Variants in DUSP28 observed in about 807,000 individuals in gnomAD.
The protein encoded by DUSP28 is dual specificity phosphatase 28.
A neutral mutation model predicts 8.4 loss-of-function variants in DUSP28; 11 were observed. That is an observed-to-expected ratio of 1.31 (90% confidence interval 0.83 to 2.17). The LOEUF (loss-of-function observed/expected upper bound fraction) is 2.17. Among genes scored for constraint, DUSP28 ranks in the 30% most tolerant of loss-of-function variants. DUSP28 has a pLI of 0.00. For missense variants in DUSP28, 373 were observed against 270.4 expected (o/e 1.38, Z -2.66); for synonymous variants, 178 against 130.9 (o/e 1.36, Z -2.46).
In DUSP28 at chr2:240,560,979, T is replaced by G; in HGVS notation, c.295T>G (p.Cys99Gly). The change falls in exon 1 of 2, where the codon TGC (cysteine) becomes GGC (glycine). Residue 99 changes from cysteine to glycine, a missense_variant. By Grantham distance (159) the Cys-to-Gly change is radical. Transcript: ENST00000405954. The part of the protein sequence containing the change: ...MEAAVRAGGA[C>G]LVYCKNGRSR... ...GGCCGCGGTGCGCGCCGGCGGCGCCTGCCTAGTCTACTGCAAGAACGGCCG... is the reference window on the plus strand; with the variant it reads ...GGCCGCGGTGCGCGCCGGCGGCGCCGGCCTAGTCTACTGCAAGAACGGCCG... 1 of 1,530,004 alleles carries G rather than the reference T, an allele frequency of 6.5e-7. No homozygotes were observed. Among genetic ancestry groups the G allele is most frequent in the Non-Finnish European group, 8.7e-7 (1 of 1,151,892 alleles). 94.8% of individuals were successfully genotyped at this position (1,530,004 alleles called of 1,614,324 possible).
At position 240,560,486 on chromosome 2, in the gene DUSP28, GC is replaced by G; in HGVS notation, c.-195del. 2.6e-6 allele frequency: 2 copies of G among 777,132 alleles called. No homozygotes were observed. Among genetic ancestry groups the G allele is most frequent in the Middle Eastern group, 4.2e-4 (1 of 2,372 alleles). 48.1% of individuals were successfully genotyped at this position (777,132 alleles called of 1,614,324 possible). On this transcript the variant is annotated 5_prime_UTR_variant, in exon 1 of 2. It introduces an in-frame stop codon into an upstream open reading frame of the 5' UTR. Transcript: ENST00000405954. ...GGCCCAAACCTCCCGCCATGCCCCG[GC>G]CCCAACGAGACCCAAGCCCCCTGTC...
intron 1 of DUSP28, 125 bp downstream of exon 1, chr2:240,561,202 G>C: frequency 6.5e-7 from 1 of 1,532,188 alleles, no homozygotes; most frequent in Non-Finnish European, 8.7e-7. Context: ...TCTCTCGTGA[G>C]GGCGGGCTTA....
Position 240,560,792 on chromosome 2 carries a change from G to C in DUSP28, c.108G>C (p.Ala36=), listed in dbSNP as rs750953578. The C allele has an allele frequency of 6.9e-7, 1 of 1,453,752 alleles. No individual in the cohort carries two copies. The highest frequency in any genetic ancestry group is 9.0e-7 in the Non-Finnish European group (1 of 1,110,844). The allele number at this position is 1,453,752 out of a possible 1,614,324, so 90.1% of individuals were successfully genotyped here. ...LFLGSARAAG[A]EEQLARAGVT... ...TCGGGAGCGCGCGAGCCGCGGGCGC[G>C]GAGGAGCAGCTGGCGCGCGCGGGAG... Residue 36 remains alanine, a synonymous_variant, in exon 1 of 2, where the codon GCG becomes GCC. Coordinates refer to ENST00000405954, the MANE Select transcript of DUSP28 (RefSeq NM_001370465.2).
At position 240,560,541 on chromosome 2, in the gene DUSP28, C is replaced by A; in HGVS notation, c.-144C>A. On this transcript the variant is annotated 5_prime_UTR_variant, in exon 1 of 2. Coordinates refer to ENST00000405954, the MANE Select transcript of DUSP28 (RefSeq NM_001370465.2). ...GCCCAGCGCCCGCGGGGGACCCAAG[C>A]CCCAGCCTGGTCCACCTCGGAGGCC... The A allele has an allele frequency of 8.3e-7, 1 of 1,206,806 alleles. No individual in the cohort carries two copies. Among genetic ancestry groups the A allele is most frequent in the Non-Finnish European group, 1.1e-6 (1 of 942,892 alleles). 74.8% of individuals were successfully genotyped at this position (1,206,806 alleles called of 1,614,324 possible).
rs1403256949 is a variant in DUSP28 at position 240,561,416 on chromosome 2, G to T, written c.480G>T (p.Gln160His). 1 of 1,613,764 alleles carries T rather than the reference G, an allele frequency of 6.2e-7. No individual in the cohort carries two copies. Among genetic ancestry groups the T allele is most frequent in the Non-Finnish European group, 8.5e-7 (1 of 1,180,028 alleles). ...AGTATGAGGAGGCCCTCCAGGCCCA[G>T]TCCTGCCTGCAGGGAGAGCCCCCAG... is the stretch of plus-strand genomic sequence containing the variant. ...LQKYEEALQA[Q>H]SCLQGEPPAL... The change falls in exon 2 of 2, where the codon CAG becomes CAT. Residue 160 changes from glutamine to histidine, a missense_variant. Physicochemically the swap from Gln to His is conservative, Grantham distance 24. Coordinates refer to ENST00000405954, the MANE Select transcript of DUSP28 (RefSeq NM_001370465.2).
In DUSP28 at chr2:240,560,723, G is replaced by A. The variant is rs1006526301; in HGVS notation, c.39G>A (p.Ser13=). The A allele has an allele frequency of 6.6e-7, 1 of 1,524,230 alleles. No individual in the cohort carries two copies. Among genetic ancestry groups the A allele is most frequent in the African/African-American group, 1.4e-5 (1 of 69,708 alleles). The allele number at this position is 1,524,230 out of a possible 1,614,324, so 94.4% of individuals were successfully genotyped here. A position where few individuals can be genotyped will look rare whatever the true frequency, so the allele number is the denominator to read the frequency against. ...PAEAGRRGAA[S]PVPPPLVRVA... is the part of the protein sequence containing the mutation. Reference sequence around the variant, plus strand: ...AAGCTGGGCGCCGCGGGGCCGCCTCGCCCGTACCTCCACCGTTGGTGCGCG... The same window carrying A: ...AAGCTGGGCGCCGCGGGGCCGCCTCACCCGTACCTCCACCGTTGGTGCGCG... Residue 13 remains serine (S), a synonymous_variant, in exon 1 of 2, where the codon TCG becomes TCA. Coordinates refer to ENST00000405954, the MANE Select transcript of DUSP28 (RefSeq NM_001370465.2).
chr2:240,560,820 A>G lies in DUSP28; in HGVS notation c.136A>G (p.Thr46Ala). The change falls in exon 1 of 2, where the codon ACG (threonine) becomes GCG (alanine). Residue 46 changes from threonine (T) to alanine (A), a missense_variant. Transcript: ENST00000405954. Reference protein sequence around the residue: ...AEEQLARAGVTLCVNVSRQQP... With the variant: ...AEEQLARAGVALCVNVSRQQP... ...GGAGCAGCTGGCGCGCGCGGGAGTC[A>G]CGCTGTGCGTCAACGTCTCCCGCCA... The G allele has an allele frequency of 1.4e-6, 2 of 1,431,420 alleles. No individual in the cohort carries two copies. The highest frequency in any genetic ancestry group is 1.8e-6 in the Non-Finnish European group (2 of 1,100,790). The allele number at this position is 1,431,420 out of a possible 1,614,324, so 88.7% of individuals were successfully genotyped here.
rs978590257 is a variant in DUSP28 at position 240,564,075 on chromosome 2, T to G, written c.*2608T>G. On this transcript the variant is annotated 3_prime_UTR_variant, in exon 2 of 2. Transcript: ENST00000405954. Reference sequence around the variant, plus strand: ...AGGGAGAAATGAGCACACGCTGTACTTGGCTGTACATATAATTGCTGACTG... The same window carrying G: ...AGGGAGAAATGAGCACACGCTGTACGTGGCTGTACATATAATTGCTGACTG... 6.6e-6 allele frequency: 1 copy of G among 152,384 alleles called. No individual in the cohort carries two copies. The highest frequency in any genetic ancestry group is 6.5e-5 in the Admixed American group (1 of 15,284). 9.4% of individuals were successfully genotyped at this position (152,384 alleles called of 1,614,324 possible).
Position 240,561,346 on chromosome 2 carries a change from G to A in DUSP28, c.410G>A (p.Arg137His). ...AKAFQMVKSARPVAEPNPGFW... is the reference protein window; with the variant it reads ...AKAFQMVKSAHPVAEPNPGFW... Reference sequence around the variant, plus strand: ...TGTTTGCAGATGGTGAAGAGCGCTCGCCCGGTAGCAGAACCGAACCCGGGC... The same window carrying A: ...TGTTTGCAGATGGTGAAGAGCGCTCACCCGGTAGCAGAACCGAACCCGGGC... The change falls in exon 2 of 2, where the codon CGC becomes CAC. Residue 137 changes from arginine (R) to histidine (H), a missense_variant. Arg to His is a conservative substitution (Grantham distance 29). Coordinates refer to ENST00000405954, the MANE Select transcript of DUSP28 (RefSeq NM_001370465.2). 1.9e-6 allele frequency: 3 copies of A among 1,613,858 alleles called. No individual in the cohort carries two copies. Among genetic ancestry groups the A allele is most frequent in the Non-Finnish European group, 2.5e-6 (3 of 1,180,028 alleles).
Position 240,562,964 on chromosome 2 carries a change from G to C in DUSP28, c.*1497G>C, listed in dbSNP as rs896270191. ...GTTATAAGATGATGAACACCAGTAT[G>C]TCAAACACAATGCTGTGAGCTGGAA... On this transcript the variant is annotated 3_prime_UTR_variant, in exon 2 of 2. Transcript: ENST00000405954. 6.5e-6 allele frequency: 1 copy of C among 154,086 alleles called. No individual in the cohort carries two copies. The highest frequency in any genetic ancestry group is 2.4e-5 in the African/African-American group (1 of 41,500). 9.5% of individuals were successfully genotyped at this position (154,086 alleles called of 1,614,324 possible).
chr2:240,560,870 C>A lies in DUSP28; in HGVS notation c.186C>A (p.Gly62=). The A allele has an allele frequency of 7.2e-7, 1 of 1,390,990 alleles. No homozygotes were observed. The highest frequency in any genetic ancestry group is 9.4e-7 in the Non-Finnish European group (1 of 1,064,696). 86.2% of individuals were successfully genotyped at this position (1,390,990 alleles called of 1,614,324 possible). The change falls in exon 1 of 2, where the codon GGC becomes GGA. Residue 62 remains glycine, a synonymous_variant. Transcript: ENST00000405954. The stretch of plus-strand genomic sequence containing the variant: ...AGCAGCCCGGCCCGCGCGCGCCCGG[C>A]GTGGCAGAGCTGCGCGTGCCCGTGT... ...SRQQPGPRAP[G]VAELRVPVFD...
Position 240,560,727 on chromosome 2 carries a change from G to T in DUSP28, c.43G>T (p.Val15Leu), listed in dbSNP as rs867117032. 50 of 1,522,438 alleles carry T rather than the reference G, an allele frequency of 3.3e-5. No individual in the cohort carries two copies. The highest frequency in any genetic ancestry group is 4.3e-5 in the Non-Finnish European group (49 of 1,147,090). 94.3% of individuals were successfully genotyped at this position (1,522,438 alleles called of 1,614,324 possible). The change falls in exon 1 of 2, where the codon GTA becomes TTA. Residue 15 changes from valine to leucine, a missense_variant. Transcript: ENST00000405954. ...TGGGCGCCGCGGGGCCGCCTCGCCCGTACCTCCACCGTTGGTGCGCGTCGC... is the reference window on the plus strand; with the variant it reads ...TGGGCGCCGCGGGGCCGCCTCGCCCTTACCTCCACCGTTGGTGCGCGTCGC... ...EAGRRGAASP[V>L]PPPLVRVAPS...
rs1444108607 is a variant in DUSP28 at position 240,561,031 on chromosome 2, C to T, written c.347C>T (p.Ala116Val). The change falls in exon 1 of 2, where the codon GCG becomes GTG. Residue 116 changes from alanine to valine, a missense_variant. Physicochemically the swap from Ala to Val is moderately conservative, Grantham distance 64. Coordinates refer to ENST00000405954, the MANE Select transcript of DUSP28 (RefSeq NM_001370465.2). ...AGCCGCTCGGCCGCCGTCTGCACCG[C>T]GTACCTCATGCGGCACCGCGGCCTC... ...GRSRSAAVCTAYLMRHRGLSL... is the reference protein window; with the variant it reads ...GRSRSAAVCTVYLMRHRGLSL... The T allele has an allele frequency of 3.3e-6, 5 of 1,533,782 alleles. No individual in the cohort carries two copies. Among genetic ancestry groups the T allele is most frequent in the Non-Finnish European group, 4.3e-6 (5 of 1,151,508 alleles).
chr2:240,561,328 A>G lies in DUSP28; in HGVS notation c.394-2A>G. ...GTTATTCAGTACACTTCTTGTTTGCAGATGGTGAAGAGCGCTCGCCCGGTA... is the reference window on the plus strand; with the variant it reads ...GTTATTCAGTACACTTCTTGTTTGCGGATGGTGAAGAGCGCTCGCCCGGTA... On this transcript the variant is annotated splice_acceptor_variant, in intron 1 of 1. Coordinates refer to ENST00000405954, the MANE Select transcript of DUSP28 (RefSeq NM_001370465.2). LOFTEE classifies it high-confidence loss of function. 1 of 1,613,822 alleles carries G rather than the reference A, an allele frequency of 6.2e-7. No individual in the cohort carries two copies. Among genetic ancestry groups the G allele is most frequent in the South Asian group, 1.1e-5 (1 of 91,084 alleles).
rs936068108 is a variant in DUSP28 at position 240,565,074 on chromosome 2, G to A, written c.*3607G>A. 1.1e-4 allele frequency among the ~76,000 whole-genome samples: 16 copies of A among 152,134 alleles called. No individual in the cohort carries two copies. The highest frequency in any genetic ancestry group is 3.1e-4 in the African/African-American group (13 of 41,420). On this transcript the variant is annotated 3_prime_UTR_variant, in exon 2 of 2. Transcript: ENST00000405954. ...CTCTAGTTCAGACACCACCTCTCCTGGACATCCTGTGGCCTAAAGACTATC... is the reference window on the plus strand; with the variant it reads ...CTCTAGTTCAGACACCACCTCTCCTAGACATCCTGTGGCCTAAAGACTATC...
Position 240,564,729 on chromosome 2 carries a change from AGC to A in DUSP28, c.*3263_*3264del, listed in dbSNP as rs1429060301. On this transcript the variant is annotated 3_prime_UTR_variant, in exon 2 of 2. Transcript: ENST00000405954. ...CTGCCAGCAGAGCCTCCTGCCCACC[AGC>A]TGCTGAAGCCACAGTACATCTCCTT... is the stretch of plus-strand genomic sequence containing the variant. 6.6e-6 allele frequency among the ~76,000 whole-genome samples: 1 copy of A among 152,200 alleles called. No homozygotes were observed. The highest frequency in any genetic ancestry group is 2.4e-5 in the African/African-American group (1 of 41,446).
Position 240,564,585 on chromosome 2 carries a change from G to C in DUSP28, c.*3118G>C, listed in dbSNP as rs111955449. 5.9e-5 allele frequency among the ~76,000 whole-genome samples: 9 copies of C among 152,332 alleles called. No individual in the cohort carries two copies. The highest frequency in any genetic ancestry group is 2.2e-4 in the African/African-American group (9 of 41,584). ...TTAAGGAACTGGGCAGAAAGAAACT[G>C]AATGCAGGGAGAAGAAGGCTGGGGA... is the stretch of plus-strand genomic sequence containing the variant. On this transcript the variant is annotated 3_prime_UTR_variant, in exon 2 of 2. Transcript: ENST00000405954.
chr2:240,561,648 A>C lies in DUSP28; in HGVS notation c.*181A>C. The C allele has an allele frequency of 8.1e-6, 7 of 861,034 alleles. No homozygotes were observed. The highest frequency in any genetic ancestry group is 1.2e-5 in the Non-Finnish European group (7 of 593,788). The allele number at this position is 861,034 out of a possible 1,614,324, so 53.3% of individuals were successfully genotyped here. ...CACAAATTATCTTACAGACACAAAA[A>C]GAAATACATTTGGTAAAACATCGAA... is the stretch of plus-strand genomic sequence containing the variant. On this transcript the variant is annotated 3_prime_UTR_variant, in exon 2 of 2. Coordinates refer to ENST00000405954, the MANE Select transcript of DUSP28 (RefSeq NM_001370465.2).
In DUSP28 at chr2:240,561,644, A is replaced by G; in HGVS notation, c.*177A>G. 1.1e-6 allele frequency: 1 copy of G among 870,574 alleles called. No homozygotes were observed. Among genetic ancestry groups the G allele is most frequent in the Middle Eastern group, 3.3e-4 (1 of 3,040 alleles). 53.9% of individuals were successfully genotyped at this position (870,574 alleles called of 1,614,324 possible). ...GATGCACAAATTATCTTACAGACAC[A>G]AAAAGAAATACATTTGGTAAAACAT... On this transcript the variant is annotated 3_prime_UTR_variant, in exon 2 of 2. Transcript: ENST00000405954.
Sources: allele counts gnomAD v4.1 joint callset (sites outside exome capture counted in the v4.1 genomes callset), GRCh38; gene constraint gnomAD v4.1.1; transcripts MANE v1.5; gene names NCBI Gene and HGNC (gene_info 2026-07-23, HGNC 2026-07-21).